Variants in RALGAPB observed in about 807,000 individuals in gnomAD.
The protein encoded by RALGAPB is Ral GTPase activating protein non-catalytic subunit beta, also known as ral GTPase-activating protein subunit beta.
A neutral mutation model predicts 161.1 loss-of-function variants in RALGAPB; 25 were observed. The observed-to-expected ratio is 0.16, with a 90% confidence interval of 0.11 to 0.22. The LOEUF (loss-of-function observed/expected upper bound fraction) is 0.22, where lower values mean the gene tolerates loss of function less well. Ranked by LOEUF, RALGAPB falls within the 10% of genes least tolerant of loss-of-function variation. The pLI is 1.00. For synonymous variants in RALGAPB, 629 were observed against 626.1 expected (o/e 1.00, Z -0.07); for missense variants, 1,391 against 1,815.2 (o/e 0.77, Z 4.25).
intron 23 of RALGAPB, among the ~76,000 whole-genome samples, chr20:38,560,522 G>A (rs2087751226): frequency 6.6e-6 from 1 of 152,122 alleles, no homozygotes; most frequent in African/African-American, 2.4e-5. Flanking sequence ...GGTGGGCTGG[G>A]GGTAGCCAGA....
intron 12 of RALGAPB, 41 bp downstream of exon 12, chr20:38,525,559 T>G: frequency 1.4e-6 from 2 of 1,385,264 alleles, no homozygotes; most frequent in Non-Finnish European, 2.0e-6. Flanking sequence ...TATATTCTGT[T>G]TTTTGTACTA....
chr20:38,574,986 C>A lies in RALGAPB; in HGVS notation c.*19C>A. 2 of 1,572,258 alleles carry A rather than the reference C, an allele frequency of 1.3e-6. No homozygotes were observed. The highest frequency in any genetic ancestry group is 1.8e-6 in the Non-Finnish European group (2 of 1,142,086). ...TTCTTAGACCACTGAATTTCTAAGA[C>A]TGTTGAACTCCAGTTTGGGAACTAT... On this transcript the variant is annotated 3_prime_UTR_variant, in exon 30 of 30. Transcript: ENST00000262879.
chr20:38,517,930 A>T lies in RALGAPB; in HGVS notation c.1347A>T (p.Ser449=). The part of the protein sequence containing the change: ...KVNSILNLFG[S]WLFDAAFVHC... ...ACAGCATCTTGAATCTCTTTGGATC[A>T]TGGTTATTTGATGCAGCATTTGTTC... Residue 449 remains serine (S), a synonymous_variant, in exon 9 of 30, where the codon TCA becomes TCT. Coordinates refer to ENST00000262879, the MANE Select transcript of RALGAPB (RefSeq NM_020336.4). 2 of 1,614,124 alleles carry T rather than the reference A, an allele frequency of 1.2e-6. No homozygotes were observed. Among genetic ancestry groups the T allele is most frequent in the Non-Finnish European group, 1.7e-6 (2 of 1,179,958 alleles).
At chr20:38,494,629 C>CAAACA (rs562813580) in intron 3 of RALGAPB, among the ~76,000 whole-genome samples, 47 of 152,144 alleles carry the variant, frequency 3.1e-4, no homozygotes, top group Non-Finnish European at 4.7e-4. Flanking sequence ...GACTCTGTCT[C>CAAACA]AAACAAAACA....
chr20:38,517,488 C>CTTTT lies in RALGAPB; in HGVS notation c.1052-7_1052-4dup. 1 of 1,315,192 alleles carries CTTTT rather than the reference C, an allele frequency of 7.6e-7. No homozygotes were observed. The highest frequency in any genetic ancestry group is 1.0e-6 in the Non-Finnish European group (1 of 976,324). 81.5% of individuals were successfully genotyped at this position (1,315,192 alleles called of 1,614,324 possible). A position where few individuals can be genotyped will look rare whatever the true frequency, so the allele number is the denominator to read the frequency against. On this transcript the variant is annotated splice_polypyrimidine_tract_variant and intron_variant, in intron 7 of 29. Coordinates refer to ENST00000262879, the MANE Select transcript of RALGAPB (RefSeq NM_020336.4). ...ACCTATGAAGAATAATTTCATTTGT[C>CTTTT]TTTTTTTTTTTTTTAAGGTATTTCT...
chr20:38,489,593 T>G lies in RALGAPB; in HGVS notation c.186+975T>G, dbSNP rs2085216707. 2.0e-5 allele frequency among the ~76,000 whole-genome samples: 3 copies of G among 152,344 alleles called. 1 individual carries two copies. The South Asian group carries it at 6.2e-4, about 32-fold the overall frequency. On this transcript the variant is annotated intron_variant, in intron 2 of 29. Coordinates refer to ENST00000262879, the MANE Select transcript of RALGAPB (RefSeq NM_020336.4). ...AGATGCAGGATTAAAACTTTGTCCC[T>G]TGTGTTGAAGAAGCTCATGCAACCT...
At chr20:38,547,959 A>G (rs1465892290) in intron 19 of RALGAPB, 2 of 152,170 alleles carry the variant, frequency 1.3e-5, no homozygotes, top group East Asian at 3.8e-4. Context: ...TTTCATTCCA[A>G]ATAATTTCAT....
At chr20:38,563,182 G>A (rs928647471) in intron 24 of RALGAPB, among the ~76,000 whole-genome samples, 1 of 152,164 alleles carries the variant, frequency 6.6e-6, no homozygotes, top group Non-Finnish European at 1.5e-5. Context: ...TGAAAGATAT[G>A]TATACACATA....
rs374661863 is a variant in RALGAPB at position 38,553,903 on chromosome 20, G to A, written c.3199G>A (p.Ala1067Thr). 32 of 1,613,106 alleles carry A rather than the reference G, an allele frequency of 2.0e-5. No homozygotes were observed. The highest frequency in any genetic ancestry group is 2.5e-5 in the Non-Finnish European group (30 of 1,179,580). ...ERHEKLRSGMAQQIAYEIHLE... is the reference protein window; with the variant it reads ...ERHEKLRSGMTQQIAYEIHLE... Reference sequence around the variant, plus strand: ...ACACGAAAAATTAAGGAGTGGCATGGCCCAGCAGATTGCTTATGAAATACA... The same window carrying A: ...ACACGAAAAATTAAGGAGTGGCATGACCCAGCAGATTGCTTATGAAATACA... The change falls in exon 22 of 30, where the codon GCC becomes ACC. Residue 1067 changes from alanine to threonine, a missense_variant. Transcript: ENST00000262879.
At chr20:38,532,559 G>A (rs189215986) in intron 14 of RALGAPB, among the ~76,000 whole-genome samples, 171 bp from the exon 15 acceptor site, 20 of 152,324 alleles carry the variant, frequency 1.3e-4, no homozygotes, top group Admixed American at 3.3e-4. Flanking sequence ...GTAGATTTGT[G>A]TGTGTAAAAA....
At chr20:38,526,113 C>T in intron 13 of RALGAPB, 71 bp downstream of exon 13, 2 of 1,532,052 alleles carry the variant, frequency 1.3e-6, no homozygotes, top group Non-Finnish European at 8.9e-7. Flanking sequence ...GAGGAGGCGG[C>T]AGTCGGTAAT....
rs151010647 is a variant in RALGAPB, at chr20:38,548,260, A to G, written c.2903-429A>G. On this transcript the variant is annotated intron_variant, in intron 19 of 29. Transcript: ENST00000262879. ...TGGGCAGATATAACACTAACACTGC[A>G]AACACCCAGTCTGTCTTTCTACACT... Among the ~76,000 whole-genome samples, 586 of 152,284 alleles carry G rather than the reference A, an allele frequency of 3.8e-3. 1 individual carries two copies. The highest frequency in any genetic ancestry group is 6.4e-3 in the Non-Finnish European group (437 of 68,020).
chr20:38,534,546 AAGT>A (rs1195806529), intron 15 of RALGAPB, among the ~76,000 whole-genome samples: 1 of 152,170 alleles, frequency 6.6e-6, no homozygotes, highest in Admixed American at 6.5e-5. Flanking sequence ...ATTTTTTTAG[AAGT>A]ATTAAAGTAA....
chr20:38,539,375 A>G (rs570433763), intron 16 of RALGAPB, among the ~76,000 whole-genome samples: 1 of 152,304 alleles, frequency 6.6e-6, no homozygotes, highest in Admixed American at 6.5e-5. Context: ...TATACTTGAA[A>G]TATTGGGCAA....
At chr20:38,519,610 GAAC>G (rs2086231212) in intron 9 of RALGAPB, among the ~76,000 whole-genome samples, 1 of 152,070 alleles carries the variant, frequency 6.6e-6, no homozygotes, top group Non-Finnish European at 1.5e-5. Context: ...AATCATACGT[GAAC>G]AACATCTTAC....
chr20:38,510,544 G>A (rs1012813410), intron 6 of RALGAPB, among the ~76,000 whole-genome samples: 2 of 152,104 alleles, frequency 1.3e-5, no homozygotes, highest in Admixed American at 6.5e-5. Flanking sequence ...AAACCTCAAC[G>A]AAACCTTCTG....
intron 1 of RALGAPB, among the ~76,000 whole-genome samples, chr20:38,480,396 T>G (rs199829291): frequency 1.1e-5 from 1 of 91,858 alleles, no homozygotes; most frequent in Admixed American, 1.3e-4. Context: ...TTTTTTTTTT[T>G]TTTTTTTTGA....
intron 7 of RALGAPB, 64 bp downstream of exon 7, chr20:38,516,434 C>G (rs981975076): frequency 7.3e-7 from 1 of 1,361,928 alleles, no homozygotes; most frequent in Non-Finnish European, 9.8e-7. Flanking sequence ...AGAGGCTAAC[C>G]CTAGGAGTTA....
intron 2 of RALGAPB, among the ~76,000 whole-genome samples, chr20:38,489,849 A>G (rs185326445): frequency 6.6e-5 from 10 of 152,284 alleles, no homozygotes; most frequent in African/African-American, 2.4e-4. Context: ...GGACTAGCAC[A>G]GGCCCTAGTG....
Sources: gnomAD v4.1 joint callset for allele counts (sites outside exome capture counted in the v4.1 genomes callset) on GRCh38, gnomAD v4.1.1 for gene constraint, MANE v1.5 for transcripts, NCBI Gene and HGNC (gene_info 2026-07-23, HGNC 2026-07-21) for gene names.